The following CSMD1 variants were observed in gnomAD, a reference collection of about 807,000 sequenced individuals.
CSMD1 encodes CUB and sushi domain-containing protein 1.
A neutral mutation model predicts 417.5 loss-of-function variants in CSMD1; 213 were observed. The observed-to-expected ratio is 0.51, with a 90% CI of 0.46 to 0.57. The LOEUF is 0.57. Among genes scored for constraint, CSMD1 ranks in the 20% least tolerant of loss-of-function variants. The pLI is 0.00. For missense variants in CSMD1, 6,923 were observed against 4,529.7 expected (o/e 1.53, Z -15.17); for synonymous variants, 2,862 against 1,736.8 (o/e 1.65, Z -16.11).
intron 3 of CSMD1, among the ~76,000 whole-genome samples, chr8:4,034,097 G>C (rs1048873306): frequency 6.6e-6 from 1 of 152,124 alleles, no homozygotes; most frequent in Non-Finnish European, 1.5e-5. Flanking sequence ...GTATTTTAAT[G>C]TATTGATATA....
At chr8:3,051,614 G>C (rs1321656645) in intron 50 of CSMD1, among the ~76,000 whole-genome samples, 1 of 151,982 alleles carries the variant, frequency 6.6e-6, no homozygotes, top group Non-Finnish European at 1.5e-5. Flanking sequence ...TTTTTTAAAG[G>C]AGATCATTCT....
Position 4,472,777 on chromosome 8 carries a change from A to C in CSMD1, c.303-52712T>G, listed in dbSNP as rs1423447935. 2.6e-5 allele frequency among the ~76,000 whole-genome samples: 4 copies of C among 152,144 alleles called. No individual in the cohort carries two copies. The East Asian group carries it at 7.7e-4, about 29-fold the overall frequency. ...TCTTTTAATATAGAAAGTTATTTTA[A>C]AATACCATTCAATATCATTGATCTT... On this transcript the variant is annotated intron_variant, in intron 2 of 69. Coordinates refer to ENST00000635120, the MANE Select transcript of CSMD1 (RefSeq NM_033225.6).
At chr8:4,430,527 T>C (rs1386939429) in intron 2 of CSMD1, among the ~76,000 whole-genome samples, 1 of 152,138 alleles carries the variant, frequency 6.6e-6, no homozygotes, top group African/African-American at 2.4e-5. Context: ...GAAATTACAC[T>C]CTGATAGACA....
At chr8:4,079,944 T>C (rs1379254513) in intron 3 of CSMD1, among the ~76,000 whole-genome samples, 1 of 148,826 alleles carries the variant, frequency 6.7e-6, no homozygotes, top group Non-Finnish European at 1.5e-5. Flanking sequence ...TCTCATGGAG[T>C]TGTAAAAATA....
At chr8:3,651,340 A>T (rs185944198) in intron 7 of CSMD1, among the ~76,000 whole-genome samples, 1 of 151,792 alleles carries the variant, frequency 6.6e-6, no homozygotes, top group African/African-American at 2.4e-5. Context: ...TCTAGTCCCC[A>T]CCCCCACACA....
intron 3 of CSMD1, among the ~76,000 whole-genome samples, chr8:4,087,041 G>C (rs775098957): frequency 6.6e-6 from 1 of 152,200 alleles, no homozygotes; most frequent in East Asian, 1.9e-4. Flanking sequence ...TTCCTCCCCA[G>C]TGACTGCCTT....
At chr8:3,938,951 AAAT>A (rs1810689997) in intron 5 of CSMD1, among the ~76,000 whole-genome samples, 1 of 152,182 alleles carries the variant, frequency 6.6e-6, no homozygotes, top group South Asian at 2.1e-4. Flanking sequence ...TAGTTCTTAA[AAAT>A]AATATTCATA....
At chr8:4,122,456 G>A (rs997724342) in intron 3 of CSMD1, among the ~76,000 whole-genome samples, 4 of 152,180 alleles carry the variant, frequency 2.6e-5, no homozygotes, top group African/African-American at 9.7e-5. Flanking sequence ...GATCCAGGGT[G>A]GAAATGAAGA....
At chr8:3,110,423 C>A in intron 42 of CSMD1, 88 bp from the exon 43 acceptor site, 1 of 1,112,522 alleles carries the variant, frequency 9.0e-7, no homozygotes, top group South Asian at 2.0e-5. Flanking sequence ...GTACCTTAGC[C>A]AACATTTTTC....
At chr8:4,983,679 C>T (rs1322323563) in intron 1 of CSMD1, among the ~76,000 whole-genome samples, 1 of 152,212 alleles carries the variant, frequency 6.6e-6, no homozygotes, top group South Asian at 2.1e-4. Context: ...CCAGCCACCA[C>T]ACCCAGCTAA....
rs997886085 is a variant in CSMD1 at position 3,105,626 on chromosome 8, T to C, written c.6949+902A>G. On this transcript the variant is annotated intron_variant, in intron 46 of 69. Coordinates refer to ENST00000635120, the MANE Select transcript of CSMD1 (RefSeq NM_033225.6). The stretch of plus-strand genomic sequence containing the variant: ...CTATTATTGTATATTGTCTATACTC[T>C]TGCACATGGTCTACATATGTTAAAC... Among the ~76,000 whole-genome samples, 11 of 152,366 alleles carry C rather than the reference T, an allele frequency of 7.2e-5. No individual in the cohort carries two copies. In the East Asian group the frequency reaches 2.1e-3, roughly 29 times the overall value.
chr8:3,751,761 T>G (rs1031055333), intron 6 of CSMD1, among the ~76,000 whole-genome samples: 16 of 152,160 alleles, frequency 1.1e-4, no homozygotes, highest in African/African-American at 3.6e-4. Flanking sequence ...ATTTTTAACC[T>G]TTCTTTCAAT....
In CSMD1 at chr8:3,348,318, G is replaced by A. The variant is rs140316545; in HGVS notation, c.3305-157C>T. ...AATAGATCAGTGATTTTTTTTTATT[G>A]TTTGACCAACTGGACCAAAAAAGAT... On this transcript the variant is annotated intron_variant, in intron 21 of 69. Coordinates refer to ENST00000635120, the MANE Select transcript of CSMD1 (RefSeq NM_033225.6). Among the ~76,000 whole-genome samples, 135 of 151,346 alleles carry A rather than the reference G, an allele frequency of 8.9e-4. 3 individuals are homozygous for A. The East Asian group carries it at 0.025, about 29-fold the overall frequency.
intron 32 of CSMD1, among the ~76,000 whole-genome samples, chr8:3,200,834 A>C (rs1306538179): frequency 6.6e-6 from 1 of 152,180 alleles, no homozygotes; most frequent in Non-Finnish European, 1.5e-5. Context: ...ATATAATCAA[A>C]TCTGAACATT....
intron 3 of CSMD1, among the ~76,000 whole-genome samples, chr8:4,213,395 C>T (rs975000152): frequency 6.6e-6 from 1 of 152,128 alleles, no homozygotes; most frequent in South Asian, 2.1e-4. Flanking sequence ...ATGCTTCAAT[C>T]CATCCTAATC....
Position 4,713,340 on chromosome 8 carries a change from C to T in CSMD1, c.86-75782G>A, listed in dbSNP as rs1445920761. Among the ~76,000 whole-genome samples the T allele has an allele frequency of 1.4e-4, 21 of 152,066 alleles. 1 individual carries two copies. Among genetic ancestry groups the T allele is most frequent in the Admixed American group, 1.4e-3 (21 of 15,264 alleles). On this transcript the variant is annotated intron_variant, in intron 1 of 69. Transcript: ENST00000635120. ...CCCATCCGGTGGTGTGGTGTCTTGC[C>T]ATAGCTTTTATCTTTTTATTAGTCA...
chr8:3,300,851 C>G (rs1458521126), intron 25 of CSMD1, among the ~76,000 whole-genome samples: 1 of 149,298 alleles, frequency 6.7e-6, no homozygotes, highest in Non-Finnish European at 1.5e-5. Context: ...CCCAGCTACT[C>G]AGGACACTGA....
At chr8:4,617,690 G>C (rs553204832) in intron 2 of CSMD1, among the ~76,000 whole-genome samples, 12 of 152,260 alleles carry the variant, frequency 7.9e-5, no homozygotes, top group African/African-American at 2.9e-4. Flanking sequence ...AAAGCCCTCA[G>C]TGAATCTGTT....
At chr8:3,394,972 C>G (rs538049094) in intron 17 of CSMD1, among the ~76,000 whole-genome samples, 1 of 152,056 alleles carries the variant, frequency 6.6e-6, no homozygotes, top group Non-Finnish European at 1.5e-5. Context: ...TGCATATGCA[C>G]GTTTGTGTAT....
Sources: gnomAD v4.1 joint callset for allele counts (sites outside exome capture counted in the v4.1 genomes callset) on GRCh38, gnomAD v4.1.1 for gene constraint, MANE v1.5 for transcripts, NCBI Gene and HGNC (gene_info 2026-07-23, HGNC 2026-07-21) for gene names.